The following CTNNA2 variants were observed in gnomAD, a reference collection of about 807,000 sequenced individuals.
The protein encoded by CTNNA2 is catenin alpha 2.
CTNNA2 carries 42 observed loss-of-function variants against 101.0 expected under a neutral mutation model. The observed-to-expected ratio is 0.42, with a 90% CI of 0.32 to 0.54. The LOEUF is 0.54. CTNNA2 is among the 20% of genes least tolerant of loss of function. The pLI is 0.14. For missense variants in CTNNA2, 871 were observed against 1,223.1 expected, an observed-to-expected ratio of 0.71 and a Z score of 4.29; for synonymous variants, 450 against 456.4, an observed-to-expected ratio of 0.99 and a Z score of 0.18.
intron 2 of CTNNA2, among the ~76,000 whole-genome samples, chr2:79,683,541 A>T (rs551796336): frequency 1.2e-4 from 18 of 152,270 alleles, no homozygotes; most frequent in Non-Finnish European, 1.6e-4. Context: ...TCATTCAGGG[A>T]AGAGTATGTG....
At chr2:79,710,059 G>T (rs1180950895) in intron 2 of CTNNA2, among the ~76,000 whole-genome samples, 1 of 152,038 alleles carries the variant, frequency 6.6e-6, no homozygotes, top group Admixed American at 6.6e-5. Context: ...CCCGATACTT[G>T]TCCCTCTTGA....
At chr2:80,124,257 C>A (rs1394690529) in intron 7 of CTNNA2, among the ~76,000 whole-genome samples, 1 of 152,120 alleles carries the variant, frequency 6.6e-6, no homozygotes, top group Non-Finnish European at 1.5e-5. Context: ...GTCTGCCCTG[C>A]ATTTCTGATT....
intron 3 of CTNNA2, among the ~76,000 whole-genome samples, chr2:79,340,650 G>A (rs553302113): frequency 6.4e-4 from 97 of 152,002 alleles, no homozygotes; most frequent in African/African-American, 6.7e-4. Context: ...TGGCTAACAC[G>A]GTGAAACCCT....
intron 8 of CTNNA2, among the ~76,000 whole-genome samples, chr2:80,407,656 G>A (rs780506130): frequency 1.3e-5 from 2 of 152,296 alleles, no homozygotes; most frequent in East Asian, 3.9e-4. Flanking sequence ...GTAAGCACCT[G>A]AATTCCCTGA....
chr2:80,104,118 A>G (rs777044525), intron 7 of CTNNA2, among the ~76,000 whole-genome samples: 1 of 152,136 alleles, frequency 6.6e-6, no homozygotes, highest in Non-Finnish European at 1.5e-5. Context: ...TAGATTGCCA[A>G]TCTCTCAGGC....
At chr2:79,242,955 A>C (rs1674645853) in intron 2 of CTNNA2, among the ~76,000 whole-genome samples, 1 of 144,278 alleles carries the variant, frequency 6.9e-6, no homozygotes, top group African/African-American at 2.6e-5. Flanking sequence ...CAACAAAGTA[A>C]GATCCTGTCT....
intron 9 of CTNNA2, among the ~76,000 whole-genome samples, chr2:80,533,012 G>A (rs1404951371): frequency 6.6e-6 from 1 of 152,090 alleles, no homozygotes; most frequent in East Asian, 1.9e-4. Flanking sequence ...GGGAGCCATG[G>A]GAGCCACAAG....
chr2:80,547,487 C>G (rs1692178642), intron 11 of CTNNA2, among the ~76,000 whole-genome samples: 3 of 152,050 alleles, frequency 2.0e-5, no homozygotes, highest in Admixed American at 2.0e-4. Context: ...AGGAAATTTC[C>G]TTTGGTGCTT....
chr2:80,167,913 G>A (rs138020922), intron 7 of CTNNA2, among the ~76,000 whole-genome samples: 19 of 152,328 alleles, frequency 1.2e-4, no homozygotes, highest in Middle Eastern at 3.4e-3. Flanking sequence ...TATTGATAGA[G>A]ATAAAGCAGG....
chr2:80,491,531 A>T (rs1423439202), intron 9 of CTNNA2, among the ~76,000 whole-genome samples: 1 of 152,236 alleles, frequency 6.6e-6, no homozygotes, highest in Non-Finnish European at 1.5e-5. Flanking sequence ...GAAGGGATAT[A>T]TCAGAAAACT....
chr2:80,297,945 C>T (rs987289168), intron 7 of CTNNA2, among the ~76,000 whole-genome samples: 19 of 151,912 alleles, frequency 1.3e-4, no homozygotes, highest in Admixed American at 1.2e-3. Context: ...AAGGTAGTTA[C>T]ATAATGGTCA....
chr2:79,670,317 T>A (rs1682744471), intron 2 of CTNNA2, among the ~76,000 whole-genome samples: 1 of 152,128 alleles, frequency 6.6e-6, no homozygotes, highest in Admixed American at 6.5e-5. Context: ...ACAGGGAGGC[T>A]CGATCCATAG....
At chr2:79,678,758 A>G (rs962411663) in intron 2 of CTNNA2, among the ~76,000 whole-genome samples, 8 of 152,264 alleles carry the variant, frequency 5.3e-5, no homozygotes, top group Non-Finnish European at 8.8e-5. Context: ...TTGTGGCCTC[A>G]GTGATCTTGG....
At position 79,380,554 on chromosome 2, in the gene CTNNA2, T is replaced by C. The variant is rs188014632; in HGVS notation, c.-135+6541T>C. Among the ~76,000 whole-genome samples the C allele has an allele frequency of 5.1e-3, 777 of 152,276 alleles. 16 individuals carry two copies. Among genetic ancestry groups the C allele is most frequent in the Admixed American group, 0.039 (595 of 15,286 alleles). ...ATTCAGTTACTCTAAGCAGTCCAAA[T>C]GCATATTTCAAGCTTTGATTACCCT... On this transcript the variant is annotated intron_variant, in intron 4 of 21. Transcript: ENST00000466387.
intron 7 of CTNNA2, among the ~76,000 whole-genome samples, chr2:80,139,323 G>A (rs530365206): frequency 1.3e-5 from 2 of 152,218 alleles, no homozygotes; most frequent in African/African-American, 2.4e-5. Context: ...AAATGACCAT[G>A]GATTGGTATT....
intron 11 of CTNNA2, among the ~76,000 whole-genome samples, chr2:80,547,899 T>C (rs1416534300): frequency 2.0e-5 from 3 of 151,958 alleles, no homozygotes; most frequent in African/African-American, 4.8e-5. Flanking sequence ...TCCGTGTTGG[T>C]CAGGCTGGTC....
At chr2:80,501,552 A>G (rs1687883093) in intron 9 of CTNNA2, among the ~76,000 whole-genome samples, 1 of 152,188 alleles carries the variant, frequency 6.6e-6, no homozygotes, top group South Asian at 2.1e-4. Context: ...AATAAGGTAA[A>G]ATAACAAGGA....
chr2:80,140,361 T>A (rs1188553666), intron 7 of CTNNA2, among the ~76,000 whole-genome samples: 1 of 152,184 alleles, frequency 6.6e-6, no homozygotes, highest in Non-Finnish European at 1.5e-5. Flanking sequence ...ACCTCGGGCA[T>A]GCCATGACCT....
chr2:80,257,192 C>T (rs1672237302), intron 7 of CTNNA2, among the ~76,000 whole-genome samples: 1 of 151,926 alleles, frequency 6.6e-6, no homozygotes, highest in South Asian at 2.1e-4. Flanking sequence ...ATTTCTCCTT[C>T]TTATTAATTT....
Sources: allele counts gnomAD v4.1 joint callset (sites outside exome capture counted in the v4.1 genomes callset), GRCh38; gene constraint gnomAD v4.1.1; transcripts MANE v1.5; gene names NCBI Gene and HGNC (gene_info 2026-07-23, HGNC 2026-07-21).